PCDH15: variants seen among roughly 807,000 people sequenced by gnomAD.
PCDH15 encodes the protein protocadherin related 15, also known as protocadherin-15.
In PCDH15, 129 loss-of-function variants were observed where a neutral mutation model predicts 178.5. The observed-to-expected ratio is 0.72, with a 90% CI of 0.63 to 0.84. The LOEUF (loss-of-function observed/expected upper bound fraction) is 0.84, where lower values mean the gene tolerates loss of function less well. Among genes scored for constraint, PCDH15 ranks in the 40% least tolerant of loss-of-function variants. The pLI, the probability that PCDH15 is intolerant of heterozygous loss-of-function variation, is 0.00. For missense variants in PCDH15, 2,230 were observed against 2,099.9 expected, an observed-to-expected ratio of 1.06 and a Z score of -1.21; for synonymous variants, 800 against 732.0, an observed-to-expected ratio of 1.09 and a Z score of -1.50.
At chr10:54,602,533 T>A (rs1032044675) in intron 2 of PCDH15, among the ~76,000 whole-genome samples, 1 of 151,966 alleles carries the variant, frequency 6.6e-6, no homozygotes, top group Non-Finnish European at 1.5e-5. Context: ...GAGCAGGAAA[T>A]CTTGTACAGG....
chr10:54,817,808 A>G (rs1952973023), intron 3 of PCDH15, among the ~76,000 whole-genome samples: 1 of 152,098 alleles, frequency 6.6e-6, no homozygotes, highest in South Asian at 2.1e-4. Context: ...ATGTGCTGAC[A>G]TTAACATCTG....
chr10:54,536,696 C>T (rs1249954326), intron 2 of PCDH15, among the ~76,000 whole-genome samples: 1 of 152,078 alleles, frequency 6.6e-6, no homozygotes, highest in East Asian at 1.9e-4. Flanking sequence ...CATCCTTATG[C>T]CCATGGCTAT....
At chr10:55,236,832 C>T (rs1370783350) in intron 1 of PCDH15, among the ~76,000 whole-genome samples, 4 of 151,788 alleles carry the variant, frequency 2.6e-5, no homozygotes, top group Non-Finnish European at 5.9e-5. Flanking sequence ...TTTTAAAATA[C>T]ACCACATAAT....
chr10:54,336,521 A>G (rs927587605), intron 6 of PCDH15, among the ~76,000 whole-genome samples: 5 of 152,170 alleles, frequency 3.3e-5, no homozygotes, highest in Admixed American at 2.6e-4. Flanking sequence ...GAGTGAAGAC[A>G]TAGCTCAGGC....
chr10:54,991,361 T>TA (rs1839496741), intron 2 of PCDH15, among the ~76,000 whole-genome samples: 1 of 152,130 alleles, frequency 6.6e-6, no homozygotes, highest in East Asian at 1.9e-4. Flanking sequence ...GGAAAAGTTC[T>TA]TTTCTCAACC....
chr10:54,640,363 A>G (rs2093961223), intron 2 of PCDH15, among the ~76,000 whole-genome samples: 1 of 151,954 alleles, frequency 6.6e-6, no homozygotes, highest in Non-Finnish European at 1.5e-5. Flanking sequence ...ATTTAATATC[A>G]TGGGTTCAAA....
chr10:53,908,000 T>C (rs1349995393), intron 25 of PCDH15, among the ~76,000 whole-genome samples: 1 of 152,198 alleles, frequency 6.6e-6, no homozygotes, highest in Non-Finnish European at 1.5e-5. Context: ...TCAAGATGAA[T>C]CCATTTCATT....
intron 2 of PCDH15, among the ~76,000 whole-genome samples, chr10:55,073,652 C>T (rs1841806936): frequency 6.6e-6 from 1 of 152,012 alleles, no homozygotes; most frequent in Non-Finnish European, 1.5e-5. Flanking sequence ...AGAGTAATTC[C>T]AGCCTCATAA....
At chr10:55,100,087 T>C (rs994606943) in intron 2 of PCDH15, among the ~76,000 whole-genome samples, 7 of 152,104 alleles carry the variant, frequency 4.6e-5, no homozygotes, top group Non-Finnish European at 8.8e-5. Flanking sequence ...ACCAAGAGCA[T>C]TTATACAGAA....
At chr10:54,629,292 T>C (rs1346599872) in intron 2 of PCDH15, among the ~76,000 whole-genome samples, 1 of 152,050 alleles carries the variant, frequency 6.6e-6, no homozygotes, top group African/African-American at 2.4e-5. Context: ...TAGAAGTATT[T>C]TTAAAAAGGA....
chr10:55,164,156 G>A (rs1056764288), intron 2 of PCDH15, among the ~76,000 whole-genome samples: 1 of 151,924 alleles, frequency 6.6e-6, no homozygotes, highest in Non-Finnish European at 1.5e-5. Flanking sequence ...TCTCTGTTTC[G>A]TATTACACAA....
intron 2 of PCDH15, among the ~76,000 whole-genome samples, chr10:55,453,789 A>G (rs1839487613): frequency 6.6e-6 from 1 of 152,124 alleles, no homozygotes; most frequent in African/African-American, 2.4e-5. Flanking sequence ...TAGGTAGTGC[A>G]TCCACCAGGC....
intron 2 of PCDH15, among the ~76,000 whole-genome samples, chr10:55,150,996 T>C (rs553913871): frequency 6.6e-6 from 1 of 152,260 alleles, no homozygotes; most frequent in Admixed American, 6.6e-5. Context: ...CTGAAGTAGA[T>C]AAATTGAATA....
chr10:55,430,858 T>C (rs980683295), intron 2 of PCDH15, among the ~76,000 whole-genome samples: 4 of 152,198 alleles, frequency 2.6e-5, no homozygotes, highest in African/African-American at 9.6e-5. Context: ...AATTCACGAC[T>C]ACCCAGTTTA....
intron 2 of PCDH15, among the ~76,000 whole-genome samples, chr10:55,474,624 T>C (rs188781770): frequency 7.3e-4 from 111 of 152,288 alleles, no homozygotes; most frequent in African/African-American, 2.5e-3. Context: ...TATTTACTTA[T>C]ACCATTTAAA....
chr10:54,751,712 TC>T (rs1430831553), intron 1 of PCDH15, among the ~76,000 whole-genome samples: 4 of 152,176 alleles, frequency 2.6e-5, no homozygotes, highest in African/African-American at 9.6e-5. Context: ...CAGATTTTTT[TC>T]CAAATGTTTA....
chr10:54,767,233 A>T (rs1222824233), intron 1 of PCDH15, among the ~76,000 whole-genome samples: 1 of 152,154 alleles, frequency 6.6e-6, no homozygotes, highest in East Asian at 1.9e-4. Context: ...GCTATTTTAA[A>T]TATTCAAGAG....
At chr10:54,301,919 C>A (rs377060031) in intron 8 of PCDH15, among the ~76,000 whole-genome samples, 45 of 152,030 alleles carry the variant, frequency 3.0e-4, no homozygotes, top group African/African-American at 1.0e-3. Flanking sequence ...CTTTATATAT[C>A]CCTTACAAGT....
intron 5 of PCDH15, among the ~76,000 whole-genome samples, chr10:54,348,906 G>T (rs1943741593): frequency 6.6e-6 from 1 of 152,092 alleles, no homozygotes; most frequent in Non-Finnish European, 1.5e-5. Flanking sequence ...CCACATACAA[G>T]TGGGATCATG....
Sources: allele counts gnomAD v4.1 joint callset (sites outside exome capture counted in the v4.1 genomes callset), GRCh38; gene constraint gnomAD v4.1.1; transcripts MANE v1.5; gene names NCBI Gene and HGNC (gene_info 2026-07-23, HGNC 2026-07-21).